ERBB4: variants seen among roughly 807,000 people sequenced by gnomAD.
ERBB4 encodes the protein receptor tyrosine-protein kinase erbB-4.
Under a neutral mutation model 158.0 loss-of-function variants are expected in ERBB4, and 42 were observed. The observed-to-expected ratio is 0.27, with a 90% CI of 0.21 to 0.34. ERBB4 has a LOEUF of 0.34. Ranked by LOEUF, ERBB4 falls within the 10% of genes least tolerant of loss-of-function variation. The pLI is 1.00. For missense variants in ERBB4, 1,333 were observed against 1,624.1 expected (o/e 0.82, Z 3.08); for synonymous variants, 583 against 558.7 (o/e 1.04, Z -0.61).
intron 1 of ERBB4, among the ~76,000 whole-genome samples, chr2:212,332,617 T>A (rs188664864): frequency 6.6e-6 from 1 of 152,224 alleles, no homozygotes; most frequent in East Asian, 1.9e-4. Flanking sequence ...ATTCTGAGAC[T>A]CTTTCCAAGC....
At chr2:211,678,577 C>T (rs984866254) in intron 13 of ERBB4, among the ~76,000 whole-genome samples, 2 of 152,106 alleles carry the variant, frequency 1.3e-5, no homozygotes, top group African/African-American at 4.8e-5. Flanking sequence ...AATTATTTTT[C>T]CTTAAAAGAA....
At chr2:212,372,335 TA>T (rs1394647067) in intron 1 of ERBB4, among the ~76,000 whole-genome samples, 1 of 152,192 alleles carries the variant, frequency 6.6e-6, no homozygotes, top group Non-Finnish European at 1.5e-5. Flanking sequence ...AATATGGAAC[TA>T]TAGCACATTT....
At chr2:212,419,221 A>T (rs182107274) in intron 1 of ERBB4, among the ~76,000 whole-genome samples, 1 of 151,970 alleles carries the variant, frequency 6.6e-6, no homozygotes, top group Non-Finnish European at 1.5e-5. Flanking sequence ...TTTTCAGACC[A>T]GACAGATAAT....
intron 2 of ERBB4, among the ~76,000 whole-genome samples, chr2:212,120,375 T>A (rs1331716393): frequency 6.6e-6 from 1 of 152,216 alleles, no homozygotes; most frequent in Non-Finnish European, 1.5e-5. Context: ...CACACTGAAA[T>A]AACATGACTC....
chr2:212,338,704 C>G (rs1157259209), intron 1 of ERBB4, among the ~76,000 whole-genome samples: 1 of 152,064 alleles, frequency 6.6e-6, no homozygotes, highest in Non-Finnish European at 1.5e-5. Flanking sequence ...TGAGTCATGT[C>G]CCTCTCCTCC....
intron 12 of ERBB4, among the ~76,000 whole-genome samples, chr2:211,689,569 A>G (rs897547410): frequency 6.6e-6 from 1 of 152,178 alleles, no homozygotes; most frequent in African/African-American, 2.4e-5. Flanking sequence ...CTTCGCACTA[A>G]TTTATAAAGA....
At chr2:211,611,813 T>C (rs1250034852) in intron 19 of ERBB4, among the ~76,000 whole-genome samples, 1 of 152,002 alleles carries the variant, frequency 6.6e-6, no homozygotes, top group Non-Finnish European at 1.5e-5. Flanking sequence ...AGTAAGAAGC[T>C]AAAAATGAAA....
intron 25 of ERBB4, among the ~76,000 whole-genome samples, chr2:211,410,975 C>T (rs1379513271): frequency 6.6e-6 from 1 of 152,194 alleles, no homozygotes; most frequent in Non-Finnish European, 1.5e-5. Flanking sequence ...GTGGCGTGAT[C>T]TCGGCTCACT....
intron 20 of ERBB4, among the ~76,000 whole-genome samples, chr2:211,435,124 G>T (rs1176880078): frequency 6.6e-6 from 1 of 152,174 alleles, no homozygotes; most frequent in Admixed American, 6.5e-5. Flanking sequence ...AAAATTATTA[G>T]AAATAACAGT....
At chr2:211,715,900 G>A (rs929497460) in intron 7 of ERBB4, among the ~76,000 whole-genome samples, 2 of 152,086 alleles carry the variant, frequency 1.3e-5, no homozygotes, top group Admixed American at 6.6e-5. Flanking sequence ...TGGGAAATGC[G>A]TTACAATGAA....
intron 2 of ERBB4, among the ~76,000 whole-genome samples, chr2:212,052,854 G>T (rs544712531): frequency 1.2e-4 from 19 of 152,276 alleles, no homozygotes; most frequent in African/African-American, 4.6e-4. Flanking sequence ...AATTTTAGTT[G>T]CTCAGAGAGG....
At chr2:212,021,722 G>C (rs2076654430) in intron 2 of ERBB4, among the ~76,000 whole-genome samples, 1 of 152,008 alleles carries the variant, frequency 6.6e-6, no homozygotes, top group South Asian at 2.1e-4. Flanking sequence ...ATTGATAAAT[G>C]GGATCTAATT....
chr2:211,606,742 C>T (rs781574036), intron 19 of ERBB4, among the ~76,000 whole-genome samples: 5 of 152,116 alleles, frequency 3.3e-5, no homozygotes, highest in East Asian at 1.9e-4. Context: ...TATTTTGAAG[C>T]GCCGTTCTGC....
chr2:211,914,221 C>T (rs1046979893), intron 3 of ERBB4, among the ~76,000 whole-genome samples: 2 of 151,028 alleles, frequency 1.3e-5, no homozygotes, highest in Non-Finnish European at 3.0e-5. Context: ...GAATGTGGTA[C>T]AAGCTTTCTA....
intron 16 of ERBB4, among the ~76,000 whole-genome samples, chr2:211,636,156 G>T (rs2125885030): frequency 6.6e-6 from 1 of 151,902 alleles, no homozygotes; most frequent in East Asian, 1.9e-4. Flanking sequence ...AACAAAGACA[G>T]GCTAGTCAGA....
chr2:211,647,748 G>T (rs923799098), intron 16 of ERBB4, among the ~76,000 whole-genome samples: 1 of 151,658 alleles, frequency 6.6e-6, no homozygotes, highest in Non-Finnish European at 1.5e-5. Context: ...GTTTTAGCCA[G>T]CCATTCACAT....
At chr2:211,885,759 G>A (rs76447018) in intron 3 of ERBB4, among the ~76,000 whole-genome samples, 21,000 of 151,974 alleles carry the variant, frequency 0.14, 1,779 homozygotes, top group African/African-American at 0.23. Flanking sequence ...GTGCCTGGCC[G>A]ATTTTTTTAA....
chr2:212,347,566 T>G (rs1308440581), intron 1 of ERBB4, among the ~76,000 whole-genome samples: 1 of 152,152 alleles, frequency 6.6e-6, no homozygotes, highest in Non-Finnish European at 1.5e-5. Flanking sequence ...TGAGCATCCC[T>G]TATTCAAAAT....
intron 3 of ERBB4, among the ~76,000 whole-genome samples, chr2:211,936,551 G>T (rs535000133): frequency 6.6e-6 from 1 of 151,786 alleles, no homozygotes; most frequent in African/African-American, 2.4e-5. Flanking sequence ...TTATACAGAC[G>T]GATCATAAAA....
Sources: gnomAD v4.1 joint callset for allele counts (sites outside exome capture counted in the v4.1 genomes callset) on GRCh38, gnomAD v4.1.1 for gene constraint, MANE v1.5 for transcripts, NCBI Gene and HGNC (gene_info 2026-07-23, HGNC 2026-07-21) for gene names.